NAV3: variants seen among roughly 807,000 people sequenced by gnomAD.
NAV3 encodes pore membrane and/or filament interacting like protein 1.
NAV3 carries 87 observed loss-of-function variants against 244.7 expected under a neutral mutation model. That is an observed-to-expected ratio of 0.36 (90% CI 0.30 to 0.42). The LOEUF is 0.42. Ranked by LOEUF, NAV3 falls within the 20% of genes least tolerant of loss-of-function variation. NAV3 has a pLI of 1.00. For missense variants in NAV3, 2,663 were observed against 2,893.3 expected (o/e 0.92, Z 1.83); for synonymous variants, 1,126 against 1,042.2 (o/e 1.08, Z -1.55).
rs1231649445 is a variant in NAV3 at position 78,118,233 on chromosome 12, C to G, written c.2976C>G (p.Gly992=). Residue 992 remains glycine, a synonymous_variant, in exon 14 of 40, where the codon GGC becomes GGG. Transcript: ENST00000397909. The part of the protein sequence containing the change: ...SVSQTGSWRR[G]MSAQGGAPSR... ...CACAGACAGGTTCCTGGAGAAGAGG[C>G]ATGTCTGCCCAAGGAGGGGCGCCAT... 3 of 1,613,482 alleles carry G rather than the reference C, an allele frequency of 1.9e-6. No homozygotes were observed. The highest frequency in any genetic ancestry group is 2.5e-6 in the Non-Finnish European group (3 of 1,179,764).
chr12:77,723,844 A>C (rs1876755738), intron 2 of NAV3, among the ~76,000 whole-genome samples: 1 of 148,386 alleles, frequency 6.7e-6, no homozygotes, highest in Non-Finnish European at 1.5e-5. Context: ...TCTGCAACTT[A>C]AACAGTAAGT....
chr12:77,933,120 A>G (rs1565933721), intron 1 of NAV3, among the ~76,000 whole-genome samples: 1 of 151,878 alleles, frequency 6.6e-6, no homozygotes, highest in East Asian at 1.9e-4. Flanking sequence ...CATAAGGGAC[A>G]TTTTTTTTGA....
At chr12:78,085,974 A>G (rs187279440) in intron 12 of NAV3, among the ~76,000 whole-genome samples, 11 of 152,236 alleles carry the variant, frequency 7.2e-5, no homozygotes, top group Admixed American at 6.5e-4. Flanking sequence ...TAGAAATTAA[A>G]AGTACAAGCT....
chr12:77,873,679 G>GTGTATATATATATATATA (rs540390004), intron 1 of NAV3, among the ~76,000 whole-genome samples: 1 of 107,290 alleles, frequency 9.3e-6, no homozygotes, highest in Admixed American at 1.1e-4. Context: ...ATTTGTATGT[G>GTGTATATATATATATATA]TATATATATA....
chr12:77,826,178 G>A (rs1872990911), upstream of NAV3, among the ~76,000 whole-genome samples: 1 of 152,098 alleles, frequency 6.6e-6, no homozygotes, highest in African/African-American at 2.4e-5. Flanking sequence ...ATTTGTCCAT[G>A]AGAAAATAAA....
At chr12:77,683,687 G>T (rs534920562) in intron 2 of NAV3, among the ~76,000 whole-genome samples, 2 of 152,080 alleles carry the variant, frequency 1.3e-5, no homozygotes, top group East Asian at 1.9e-4. Context: ...GCAAAAATGG[G>T]TTACACAGTA....
intron 2 of NAV3, among the ~76,000 whole-genome samples, chr12:77,730,133 A>G (rs888287872): frequency 2.0e-5 from 3 of 152,054 alleles, no homozygotes; most frequent in African/African-American, 2.4e-5. Flanking sequence ...TCACTTTAAC[A>G]TATAGATTGC....
chr12:77,966,367 T>C (rs1448711487), intron 4 of NAV3, 66 bp downstream of exon 4: 1 of 1,354,828 alleles, frequency 7.4e-7, no homozygotes, highest in Non-Finnish European at 1.0e-6. Context: ...TTTTATAATG[T>C]AAGAAATGTA....
chr12:78,114,795 A>G (rs1406653435), intron 12 of NAV3, among the ~76,000 whole-genome samples: 1 of 152,140 alleles, frequency 6.6e-6, no homozygotes, highest in Non-Finnish European at 1.5e-5. Flanking sequence ...CAAATGACAG[A>G]TATGTGCTAT....
chr12:77,630,106 T>G (rs980027895), intron 2 of NAV3, among the ~76,000 whole-genome samples: 4 of 152,140 alleles, frequency 2.6e-5, no homozygotes, highest in Non-Finnish European at 4.4e-5. Flanking sequence ...ATCTGGACAA[T>G]GGACTCCAGG....
At chr12:78,207,991 T>A (rs987873988) in intron 39 of NAV3, among the ~76,000 whole-genome samples, 1 of 152,160 alleles carries the variant, frequency 6.6e-6, no homozygotes, top group African/African-American at 2.4e-5. Context: ...AACATTAAAT[T>A]TATGGCTATA....
intron 2 of NAV3, among the ~76,000 whole-genome samples, chr12:77,582,065 A>C (rs564820401): frequency 2.0e-5 from 3 of 152,194 alleles, no homozygotes; most frequent in Non-Finnish European, 4.4e-5. Flanking sequence ...TTACGTCCAC[A>C]TGAGGGACAG....
chr12:78,068,278 T>C (rs555782025), intron 12 of NAV3, among the ~76,000 whole-genome samples: 36 of 152,074 alleles, frequency 2.4e-4, no homozygotes, highest in African/African-American at 8.4e-4. Context: ...TTAGATCTTA[T>C]GTTTTAAGTA....
rs977226659 is a variant in NAV3, at chr12:78,211,062, A to G, written c.*545A>G. 6.5e-6 allele frequency: 1 copy of G among 152,802 alleles called. No individual in the cohort carries two copies. Among genetic ancestry groups the G allele is most frequent in the African/African-American group, 2.4e-5 (1 of 41,448 alleles). The allele number at this position is 152,802 out of a possible 1,614,324, so 9.5% of individuals were successfully genotyped here. ...CCATAAGCACAAATGGAATTGTGCA[A>G]CCACCAGAAAAACACTACTGTGGCA... On this transcript the variant is annotated 3_prime_UTR_variant, in exon 40 of 40. Coordinates refer to ENST00000397909, the MANE Select transcript of NAV3 (RefSeq NM_001024383.2).
rs754630647 is a variant in NAV3, at chr12:78,159,306, C to A, written c.4869+20C>A. On this transcript the variant is annotated intron_variant, in intron 23 of 39. Coordinates refer to ENST00000397909, the MANE Select transcript of NAV3 (RefSeq NM_001024383.2). Reference sequence around the variant, plus strand: ...CAAAAGGTATGTTCAGAAATTGCCACTGGAGACTGAAAGAAGACAGCAAAT... The same window carrying A: ...CAAAAGGTATGTTCAGAAATTGCCAATGGAGACTGAAAGAAGACAGCAAAT... 1.2e-6 allele frequency: 2 copies of A among 1,602,310 alleles called. No individual in the cohort carries two copies. Among genetic ancestry groups the A allele is most frequent in the African/African-American group, 1.3e-5 (1 of 74,494 alleles).
chr12:77,853,278 T>C (rs1877833831), intron 1 of NAV3, among the ~76,000 whole-genome samples: 2 of 152,354 alleles, frequency 1.3e-5, no homozygotes, highest in South Asian at 4.1e-4. Context: ...TTGGATATCT[T>C]CCGTTGTGTT....
intron 5 of NAV3, among the ~76,000 whole-genome samples, chr12:77,969,785 G>C (rs2086230): frequency 1.3e-5 from 2 of 151,840 alleles, no homozygotes; most frequent in African/African-American, 4.8e-5. Flanking sequence ...CAGAGGTTGC[G>C]GTGAGCCAAG....
Position 77,873,773 on chromosome 12 carries a change from T to TATATATATATATAA in NAV3, c.243+42070_243+42071insTATATATATATAAA, listed in dbSNP as rs762527287. On this transcript the variant is annotated intron_variant, in intron 1 of 39. Transcript: ENST00000397909. ...ATATATATATATATATATATGTATA[T>TATATATATATATAA]AACAGCATATGCATTATGTGAAATT... Among the ~76,000 whole-genome samples the TATATATATATATAA allele has an allele frequency of 4.8e-3, 616 of 128,498 alleles. 10 individuals are homozygous for TATATATATATATAA. Among genetic ancestry groups the TATATATATATATAA allele is most frequent in the African/African-American group, 0.014 (469 of 34,686 alleles). The allele number at this position is 128,498 out of a possible 152,430, so 84.3% of individuals were successfully genotyped here. A position where few individuals can be genotyped will look rare whatever the true frequency, so the allele number is the denominator to read the frequency against.
At chr12:78,056,722 C>CT (rs1356904653) in intron 11 of NAV3, among the ~76,000 whole-genome samples, 4 of 151,866 alleles carry the variant, frequency 2.6e-5, no homozygotes, top group Non-Finnish European at 5.9e-5. Flanking sequence ...GAGTGAGACT[C>CT]TATCTCAAAA....
Sources: allele counts gnomAD v4.1 joint callset (sites outside exome capture counted in the v4.1 genomes callset), GRCh38; gene constraint gnomAD v4.1.1; transcripts MANE v1.5; gene names NCBI Gene and HGNC (gene_info 2026-07-23, HGNC 2026-07-21).